The following PARVA variants were observed in gnomAD, a reference collection of about 807,000 sequenced individuals.
PARVA encodes the protein alpha-parvin.
In PARVA, 25 loss-of-function variants were observed where a neutral mutation model predicts 52.6. The observed-to-expected ratio is 0.48, with a 90% CI of 0.35 to 0.66. The LOEUF is 0.66. Ranked by LOEUF, PARVA falls within the 30% of genes least tolerant of loss-of-function variation. The pLI is 0.01. For synonymous variants in PARVA, 185 were observed against 179.1 expected (o/e 1.03, Z -0.26); for missense variants, 373 against 450.9 (o/e 0.83, Z 1.56).
chr11:12,473,405 G>A (rs1315404387), intron 1 of PARVA, among the ~76,000 whole-genome samples: 4 of 152,148 alleles, frequency 2.6e-5, no homozygotes, highest in Non-Finnish European at 5.9e-5. Context: ...TGGAAGATGG[G>A]ACAGGCAGGA....
chr11:12,384,497 G>C (rs946274605), intron 1 of PARVA, among the ~76,000 whole-genome samples: 2 of 152,162 alleles, frequency 1.3e-5, no homozygotes. Context: ...TTTGTATTTT[G>C]TTTGAGTGGT....
At chr11:12,497,394 T>C (rs1400039201) in intron 5 of PARVA, among the ~76,000 whole-genome samples, 1 of 152,188 alleles carries the variant, frequency 6.6e-6, no homozygotes. Flanking sequence ...CTATGCTTTA[T>C]TGCGTCTAAC....
upstream of PARVA, chr11:12,377,501 G>A (rs1269676669): frequency 1.4e-6 from 2 of 1,425,406 alleles, no homozygotes; most frequent in South Asian, 1.4e-5. Flanking sequence ...AGCGAGGGAA[G>A]GGAAAGGCGA....
intron 1 of PARVA, among the ~76,000 whole-genome samples, chr11:12,465,550 T>C (rs1035180073): frequency 6.6e-6 from 1 of 152,198 alleles, no homozygotes; most frequent in African/African-American, 2.4e-5. Flanking sequence ...TTCAGCATTT[T>C]CCCCCATTTA....
At chr11:12,413,698 G>A (rs1327234055) in intron 1 of PARVA, among the ~76,000 whole-genome samples, 2 of 152,198 alleles carry the variant, frequency 1.3e-5, no homozygotes, top group Non-Finnish European at 1.5e-5. Context: ...GAGGTGCCCC[G>A]TAGGCTCCAG....
rs547780969 is a variant in PARVA, at chr11:12,410,314, C to T, written c.136+32531C>T. Among the ~76,000 whole-genome samples, 8 of 152,336 alleles carry T rather than the reference C, an allele frequency of 5.3e-5. No homozygotes were observed. In the East Asian group the frequency reaches 1.2e-3, roughly 22 times the overall value. On this transcript the variant is annotated intron_variant, in intron 1 of 12. Transcript: ENST00000334956. ...TCAGCCCACAGGCCTCCTCCAGGAA[C>T]ACCCCTGCCTACCCCAGGCCACAGG...
intron 1 of PARVA, among the ~76,000 whole-genome samples, chr11:12,421,116 G>A (rs1418875478): frequency 1.3e-5 from 2 of 149,746 alleles, no homozygotes; most frequent in Non-Finnish European, 2.9e-5. Context: ...TTGCCATTAT[G>A]GATTGCTAGG....
At position 12,422,324 on chromosome 11, in the gene PARVA, CTT is replaced by C. The variant is rs1160424579; in HGVS notation, c.136+44546_136+44547del. ...TGGTTACATTTCTTTCTGTGGGTCT[CTT>C]TTTTGAGCATTTCTTCAAGATATAG... On this transcript the variant is annotated intron_variant, in intron 1 of 12. Transcript: ENST00000334956. Among the ~76,000 whole-genome samples the C allele has an allele frequency of 2.6e-5, 4 of 152,062 alleles. No homozygotes were observed. The East Asian group carries it at 5.8e-4, about 22-fold the overall frequency.
intron 1 of PARVA, among the ~76,000 whole-genome samples, chr11:12,469,334 T>A (rs1171543310): frequency 6.6e-6 from 1 of 151,518 alleles, no homozygotes. Context: ...GCAATCTCCC[T>A]GCTTTCCCTA....
At chr11:12,472,357 A>AAG (rs1227602122) in intron 1 of PARVA, among the ~76,000 whole-genome samples, 7 of 152,216 alleles carry the variant, frequency 4.6e-5, no homozygotes, top group Non-Finnish European at 8.8e-5. Context: ...TTAAGCTTTG[A>AAG]AGGTACCCCT....
intron 1 of PARVA, among the ~76,000 whole-genome samples, chr11:12,428,701 T>C (rs1240614395): frequency 6.6e-6 from 1 of 152,154 alleles, no homozygotes; most frequent in Non-Finnish European, 1.5e-5. Flanking sequence ...AGATGGTAAG[T>C]TGGCCAATTG....
intron 1 of PARVA, among the ~76,000 whole-genome samples, chr11:12,427,376 T>C (rs987750638): frequency 6.6e-6 from 1 of 152,226 alleles, no homozygotes; most frequent in Non-Finnish European, 1.5e-5. Context: ...CCCTGCCTGT[T>C]GAAGTCTGAC....
chr11:12,489,338 G>T (rs1386685075), intron 4 of PARVA, among the ~76,000 whole-genome samples: 2 of 152,042 alleles, frequency 1.3e-5, no homozygotes, highest in Non-Finnish European at 2.9e-5. Context: ...AAATGAAAAA[G>T]TGTGAATAAT....
chr11:12,487,670 A>G (rs1247995775), intron 4 of PARVA, among the ~76,000 whole-genome samples: 4 of 152,294 alleles, frequency 2.6e-5, no homozygotes, highest in East Asian at 3.9e-4. Flanking sequence ...ATATGCTGCT[A>G]TTCTTAAACT....
rs183040447 is a variant in PARVA at position 12,508,805 on chromosome 11, G to T, written c.716+163G>T. On this transcript the variant is annotated intron_variant, in intron 7 of 12. Coordinates refer to ENST00000334956, the MANE Select transcript of PARVA (RefSeq NM_018222.5). ...AGCCTTTTCCATGCATTCAAAACAT[G>T]CCTCTCAATGCTTAAGGTACAAACT... 28 of 641,918 alleles carry T rather than the reference G, an allele frequency of 4.4e-5. No homozygotes were observed. In the African/African-American group the frequency reaches 4.7e-4, roughly 11 times the overall value. 39.8% of individuals were successfully genotyped at this position (641,918 alleles called of 1,614,324 possible). A position where few individuals can be genotyped will look rare whatever the true frequency, so the allele number is the denominator to read the frequency against.
chr11:12,523,978 T>C (rs2135090031), intron 12 of PARVA, among the ~76,000 whole-genome samples: 1 of 152,332 alleles, frequency 6.6e-6, no homozygotes, highest in Admixed American at 6.5e-5. Context: ...GGGGCCCAGG[T>C]CTTGGCTTTC....
intron 5 of PARVA, among the ~76,000 whole-genome samples, chr11:12,501,414 A>C (rs1049847209): frequency 3.3e-5 from 5 of 152,122 alleles, no homozygotes; most frequent in African/African-American, 1.2e-4. Context: ...TTCTTAAAGC[A>C]GTGGTTATTC....
At chr11:12,450,817 A>G (rs1472428104) in intron 1 of PARVA, among the ~76,000 whole-genome samples, 1 of 152,198 alleles carries the variant, frequency 6.6e-6, no homozygotes, top group Non-Finnish European at 1.5e-5. Context: ...CAGGAGAAAG[A>G]TGAAGGCCGG....
chr11:12,523,072 TG>T (rs112232932), intron 12 of PARVA, among the ~76,000 whole-genome samples: 3 of 152,072 alleles, frequency 2.0e-5, no homozygotes, highest in African/African-American at 7.2e-5. Flanking sequence ...ATATGTTGCA[TG>T]GGTTTTTTTC....
Sources: allele counts gnomAD v4.1 joint callset (sites outside exome capture counted in the v4.1 genomes callset), GRCh38; gene constraint gnomAD v4.1.1; transcripts MANE v1.5; gene names NCBI Gene and HGNC (gene_info 2026-07-23, HGNC 2026-07-21).